ANKRD55: variants seen among roughly 807,000 people sequenced by gnomAD.
ANKRD55 encodes the protein ankyrin repeat domain-containing protein 55.
ANKRD55 carries 41 observed loss-of-function variants against 60.6 expected under a neutral mutation model. The observed-to-expected ratio is 0.68, with a 90% CI of 0.53 to 0.88. The LOEUF is 0.88. Ranked by LOEUF, ANKRD55 falls within the 40% of genes least tolerant of loss-of-function variation. ANKRD55 has a pLI of 0.00. For missense variants in ANKRD55, 732 were observed against 767.6 expected (o/e 0.95, Z 0.55); for synonymous variants, 264 against 290.3 (o/e 0.91, Z 0.92).
chr5:56,137,134 T>C, intron 7 of ANKRD55: 1 of 1,350,472 alleles, frequency 7.4e-7, no homozygotes, highest in Non-Finnish European at 1.1e-6. Context: ...GATGTCACTT[T>C]ACAGAAACAG....
chr5:56,186,625 T>TA (rs113217072), intron 2 of ANKRD55, among the ~76,000 whole-genome samples: 7 of 152,208 alleles, frequency 4.6e-5, no homozygotes, highest in Admixed American at 1.3e-4. Context: ...TACTGCTACT[T>TA]AAAAAATTTT....
intron 2 of ANKRD55, among the ~76,000 whole-genome samples, chr5:56,194,420 C>T (rs913598671): frequency 6.6e-6 from 1 of 151,822 alleles, no homozygotes; most frequent in Admixed American, 6.6e-5. Flanking sequence ...ATAAATGATC[C>T]AACCCCCCCA....
intron 8 of ANKRD55, among the ~76,000 whole-genome samples, chr5:56,124,308 A>C (rs1490334053): frequency 6.6e-6 from 1 of 152,118 alleles, no homozygotes; most frequent in East Asian, 1.9e-4. Context: ...GTGTTTTACT[A>C]TCTGGGAGGC....
rs116227267 is a variant in ANKRD55, at chr5:56,219,792, A to T, written c.58+13064T>A. On this transcript the variant is annotated intron_variant, in intron 2 of 11. Coordinates refer to ENST00000341048, the MANE Select transcript of ANKRD55 (RefSeq NM_024669.3). ...TTCTCACCTTGTCCCACATTTGGTG[A>T]TGAGTGAGATGTTTGTCTCATGCTT... Among the ~76,000 whole-genome samples the T allele has an allele frequency of 9.3e-4, 141 of 152,336 alleles. 3 individuals carry two copies. In the Middle Eastern group the frequency reaches 0.027, roughly 29 times the overall value.
At chr5:56,218,817 G>C (rs893826700) in intron 2 of ANKRD55, among the ~76,000 whole-genome samples, 3 of 152,178 alleles carry the variant, frequency 2.0e-5, no homozygotes, top group African/African-American at 7.2e-5. Context: ...CAGAGAGAGA[G>C]AGAGAGGGAG....
At chr5:56,138,299 T>C (rs1169577433) in intron 7 of ANKRD55, among the ~76,000 whole-genome samples, 1 of 152,052 alleles carries the variant, frequency 6.6e-6, no homozygotes, top group African/African-American at 2.4e-5. Flanking sequence ...AGCTAATTTT[T>C]GTATTTTTAG....
chr5:56,232,206 T>C (rs887348955), intron 2 of ANKRD55, among the ~76,000 whole-genome samples: 6 of 152,376 alleles, frequency 3.9e-5, no homozygotes, highest in African/African-American at 1.4e-4. Flanking sequence ...ATATGTGATA[T>C]TATAAGGATA....
intron 6 of ANKRD55, among the ~76,000 whole-genome samples, chr5:56,148,210 T>A (rs950186447): frequency 2.0e-5 from 3 of 152,198 alleles, no homozygotes; most frequent in Admixed American, 1.3e-4. Flanking sequence ...CAGCCATCTG[T>A]GTCCAAGTTA....
chr5:56,232,377 A>T (rs1010550810), intron 2 of ANKRD55, among the ~76,000 whole-genome samples: 9 of 152,230 alleles, frequency 5.9e-5, no homozygotes, highest in African/African-American at 2.2e-4. Context: ...TACAGGCAAC[A>T]TCTATTCCTG....
intron 2 of ANKRD55, among the ~76,000 whole-genome samples, chr5:56,216,618 A>G (rs375860837): frequency 6.6e-6 from 1 of 152,250 alleles, no homozygotes; most frequent in African/African-American, 2.4e-5. Context: ...AGAAAGAGAA[A>G]CAGCTTTATT....
chr5:56,228,292 C>G (rs972630243), intron 2 of ANKRD55, among the ~76,000 whole-genome samples: 5 of 152,200 alleles, frequency 3.3e-5, no homozygotes, highest in African/African-American at 1.2e-4. Context: ...AACAGGTACA[C>G]AGAGGAGCGA....
At chr5:56,102,390 C>CAAAA in intron 11 of ANKRD55, 104 bp downstream of exon 11, 1 of 672,064 alleles carries the variant, frequency 1.5e-6, no homozygotes, top group Non-Finnish European at 2.2e-6. Flanking sequence ...GACTCCATCT[C>CAAAA]AAAAAAAAAA....
At chr5:56,124,356 CTACTT>C (rs769382131) in intron 8 of ANKRD55, among the ~76,000 whole-genome samples, 6 of 152,046 alleles carry the variant, frequency 3.9e-5, no homozygotes, top group Non-Finnish European at 4.4e-5. Flanking sequence ...CTTTTTATTA[CTACTT>C]TACTTTTCTT....
intron 7 of ANKRD55, among the ~76,000 whole-genome samples, chr5:56,135,054 T>C (rs1275401543): frequency 6.6e-6 from 1 of 152,146 alleles, no homozygotes; most frequent in African/African-American, 2.4e-5. Flanking sequence ...CACCACTTAT[T>C]CATAATAAAA....
At chr5:56,127,593 G>T (rs1757306458) in intron 7 of ANKRD55, 1 of 985,112 alleles carries the variant, frequency 1.0e-6, no homozygotes, top group South Asian at 4.7e-5. Context: ...TTGTTTCGGG[G>T]TAGGGCCAAG....
intron 6 of ANKRD55, among the ~76,000 whole-genome samples, chr5:56,158,396 T>C (rs545044539): frequency 6.6e-6 from 1 of 152,320 alleles, no homozygotes; most frequent in South Asian, 2.1e-4. Context: ...AAACCAGGTA[T>C]TTAAATTGAT....
Position 56,100,204 on chromosome 5 carries a change from GT to G in ANKRD55, c.1823del (p.Asn608ThrfsTer17), listed in dbSNP as rs747519594. The G allele has an allele frequency of 1.7e-5, 28 of 1,614,072 alleles. No individual in the cohort carries two copies. Among genetic ancestry groups the G allele is most frequent in the Non-Finnish European group, 2.3e-5 (27 of 1,180,040 alleles). Reference protein sequence around the residue: ...TAAEESEHSANPTSDEN With the variant: ...TAAEESEHSAXPTSDEN ...ACAGTTAATTTTCATCACTGGTGGG[GT>G]TGGCAGAATGTTCACTCTCTTCTGC... On this transcript the variant is annotated frameshift_variant, in exon 12 of 12. Transcript: ENST00000341048. LOFTEE classifies it low-confidence loss of function (END_TRUNC).
intron 6 of ANKRD55, among the ~76,000 whole-genome samples, chr5:56,145,608 T>C (rs758892848): frequency 5.9e-5 from 9 of 152,232 alleles, no homozygotes; most frequent in Non-Finnish European, 1.0e-4. Flanking sequence ...CCAGCTCTGA[T>C]AGGTGCCATT....
chr5:56,150,757 C>T (rs189393871), intron 6 of ANKRD55, among the ~76,000 whole-genome samples: 2 of 151,660 alleles, frequency 1.3e-5, no homozygotes, highest in South Asian at 2.1e-4. Context: ...AAATTAGCCA[C>T]GTGTGGCGGT....
Sources: allele counts gnomAD v4.1 joint callset (sites outside exome capture counted in the v4.1 genomes callset), GRCh38; gene constraint gnomAD v4.1.1; transcripts MANE v1.5; gene names NCBI Gene and HGNC (gene_info 2026-07-23, HGNC 2026-07-21).